Variants in ZNF503 observed in about 807,000 individuals in gnomAD.
ZNF503 encodes the protein NocA-like zinc finger 2.
Under a neutral mutation model 34.4 loss-of-function variants are expected in ZNF503, and 15 were observed. The observed-to-expected ratio is 0.44, with a 90% CI of 0.29 to 0.67. The LOEUF is 0.67. ZNF503 is among the 30% of genes least tolerant of loss of function. ZNF503 has a pLI of 0.13. For missense variants in ZNF503, 1,007 were observed against 926.8 expected (o/e 1.09, Z -1.12); for synonymous variants, 580 against 456.8 (o/e 1.27, Z -3.44).
the ZNF503 span, among the ~76,000 whole-genome samples, chr10:75,301,483 C>T: frequency 6.6e-6 from 1 of 152,216 alleles, no homozygotes; most frequent in Non-Finnish European, 1.5e-5. Context: ...TCAGGCAATC[C>T]ACCCACCTTG....
chr10:75,356,784 C>A, the ZNF503 span, among the ~76,000 whole-genome samples: 21 of 152,172 alleles, frequency 1.4e-4, no homozygotes, highest in Non-Finnish European at 3.1e-4. Flanking sequence ...GGGCTTAATT[C>A]TCTCCAGCCT....
the ZNF503 span, among the ~76,000 whole-genome samples, chr10:75,330,937 T>C: frequency 6.6e-6 from 1 of 152,142 alleles, no homozygotes; most frequent in South Asian, 2.1e-4. Context: ...CATTGTTAGG[T>C]TTTTTATTTG....
chr10:75,366,863 C>T, the ZNF503 span, among the ~76,000 whole-genome samples: 3 of 152,234 alleles, frequency 2.0e-5, no homozygotes, highest in African/African-American at 7.2e-5. Context: ...TCTACAACGT[C>T]TCCCAGAGTT....
At chr10:75,309,091 G>A in the ZNF503 span, among the ~76,000 whole-genome samples, 1 of 152,140 alleles carries the variant, frequency 6.6e-6, no homozygotes, top group African/African-American at 2.4e-5. Flanking sequence ...TGATCCGCCT[G>A]CCTCAGCCGC....
the ZNF503 span, among the ~76,000 whole-genome samples, chr10:75,292,913 T>C: frequency 6.6e-6 from 1 of 152,210 alleles, no homozygotes; most frequent in Non-Finnish European, 1.5e-5. Flanking sequence ...TTCCTCAGCA[T>C]GTATGTACAT....
chr10:75,354,957 G>A, the ZNF503 span, among the ~76,000 whole-genome samples: 1 of 152,118 alleles, frequency 6.6e-6, no homozygotes, highest in Non-Finnish European at 1.5e-5. Flanking sequence ...GCCTGCCTCA[G>A]CCTCCCAAGC....
the ZNF503 span, among the ~76,000 whole-genome samples, chr10:75,317,264 CTTTTTTTTTTTTTTTT>C: frequency 1.3e-5 from 1 of 74,722 alleles, no homozygotes. Context: ...CATCCCACGT[CTTTTTTTTTTTTTTTT>C]TTTTTTTTTT....
the ZNF503 span, among the ~76,000 whole-genome samples, chr10:75,325,646 T>A: frequency 3.9e-5 from 6 of 152,216 alleles, no homozygotes; most frequent in African/African-American, 1.4e-4. Flanking sequence ...TTGTTAGTGA[T>A]AATAAAAAGT....
At chr10:75,377,522 G>T in the ZNF503 span, among the ~76,000 whole-genome samples, 1 of 152,178 alleles carries the variant, frequency 6.6e-6, no homozygotes, top group South Asian at 2.1e-4. Context: ...CATGCATGGG[G>T]TGTCTGGAAG....
chr10:75,355,006 CTT>C, the ZNF503 span, among the ~76,000 whole-genome samples: 4 of 149,706 alleles, frequency 2.7e-5, no homozygotes, highest in African/African-American at 9.8e-5. Context: ...GCCCAGCTAA[CTT>C]TTTTTTTTGT....
chr10:75,398,162 A>C lies in ZNF503; in HGVS notation c.*587T>G, dbSNP rs1464686492. On this transcript the variant is annotated 3_prime_UTR_variant, in exon 2 of 2. Transcript: ENST00000372524. ...GACTTTTTTTTTCATTTTTTTTGTA[A>C]CAAACATGCATGTAAATTTGTGTTT... 1 of 152,508 alleles carries C rather than the reference A, an allele frequency of 6.6e-6. No homozygotes were observed. The highest frequency in any genetic ancestry group is 1.5e-5 in the Non-Finnish European group (1 of 68,042). 9.4% of individuals were successfully genotyped at this position (152,508 alleles called of 1,614,324 possible).
At chr10:75,303,174 G>T in the ZNF503 span, among the ~76,000 whole-genome samples, 1 of 152,154 alleles carries the variant, frequency 6.6e-6, no homozygotes, top group African/African-American at 2.4e-5. Flanking sequence ...AATCTGACTG[G>T]TCTAAACAGG....
the ZNF503 span, among the ~76,000 whole-genome samples, chr10:75,359,281 C>T: frequency 0.78 from 119,367 of 152,258 alleles, 47,943 homozygotes; most frequent in African/African-American, 0.95. Context: ...GGCCCAGCCC[C>T]AGCACAGTTC....
the ZNF503 span, chr10:75,343,464 A>G: frequency 2.0e-5 from 3 of 152,238 alleles, no homozygotes; most frequent in Admixed American, 1.3e-4. Context: ...CCCCACACCT[A>G]AGCCCGTATT....
the ZNF503 span, among the ~76,000 whole-genome samples, chr10:75,296,058 G>C: frequency 8.5e-5 from 13 of 152,188 alleles, no homozygotes; most frequent in Non-Finnish European, 1.8e-4. Flanking sequence ...GACTACACTC[G>C]ACTGTATGTT....
the ZNF503 span, among the ~76,000 whole-genome samples, chr10:75,362,287 G>A: frequency 4.3e-4 from 65 of 152,108 alleles, no homozygotes; most frequent in Admixed American, 7.9e-4. Flanking sequence ...GGGGCACTCT[G>A]CAAAGGGGTT....
chr10:75,285,450 G>T, the ZNF503 span, among the ~76,000 whole-genome samples: 1 of 152,192 alleles, frequency 6.6e-6, no homozygotes, highest in Non-Finnish European at 1.5e-5. Flanking sequence ...TCTGCTCTCA[G>T]CATCCCTCCC....
At chr10:75,313,221 A>T in the ZNF503 span, among the ~76,000 whole-genome samples, 4 of 152,160 alleles carry the variant, frequency 2.6e-5, no homozygotes, top group Non-Finnish European at 5.9e-5. Flanking sequence ...TTTTTTTGCA[A>T]TTTGTCTCCA....
At chr10:75,342,220 C>T in the ZNF503 span, among the ~76,000 whole-genome samples, 2 of 152,108 alleles carry the variant, frequency 1.3e-5, no homozygotes, top group Admixed American at 6.5e-5. Flanking sequence ...TCATCAGAGG[C>T]ATTGTTATGC....
Sources: gnomAD v4.1 joint callset for allele counts (sites outside exome capture counted in the v4.1 genomes callset) on GRCh38, gnomAD v4.1.1 for gene constraint, MANE v1.5 for transcripts, NCBI Gene and HGNC (gene_info 2026-07-23, HGNC 2026-07-21) for gene names.